TAOK1: variants seen among roughly 807,000 people sequenced by gnomAD.
The protein encoded by TAOK1 is serine/threonine-protein kinase TAO1.
In TAOK1, 21 loss-of-function variants were observed where a neutral mutation model predicts 138.3. The ratio of observed to expected loss-of-function variants is 0.15; its 90% CI spans 0.11 to 0.22. The LOEUF (loss-of-function observed/expected upper bound fraction) is 0.22. TAOK1 is among the 10% of genes least tolerant of loss of function. The pLI, the probability that TAOK1 is intolerant of heterozygous loss-of-function variation, is 1.00. For missense variants in TAOK1, 651 were observed against 1,227.7 expected (o/e 0.53, Z 7.02); for synonymous variants, 361 against 398.4 (o/e 0.91, Z 1.12).
In TAOK1 at chr17:29,498,419, T is replaced by C; in HGVS notation, c.1101T>C (p.Ser367=). The C allele has an allele frequency of 1.2e-6, 2 of 1,614,222 alleles. No homozygotes were observed. The highest frequency in any genetic ancestry group is 1.7e-6 in the Non-Finnish European group (2 of 1,180,028). ...TCAGTGCCAGCAGCCAAAGCAGTAG[T>C]GTTAACAGTCTTCCAGATGTCTCAG... ...MSISASSQSS[S]VNSLPDVSDD... The change falls in exon 12 of 20, where the codon AGT becomes AGC. Residue 367 remains serine, a synonymous_variant. Transcript: ENST00000261716.
chr17:29,532,517 G>A (rs1477319907), intron 18 of TAOK1, among the ~76,000 whole-genome samples: 1 of 151,980 alleles, frequency 6.6e-6, no homozygotes, highest in Admixed American at 6.6e-5. Flanking sequence ...TGTGTCCCTG[G>A]GTACTTGAGA....
chr17:29,543,049 C>G lies in TAOK1; in HGVS notation c.*27C>G. 6.7e-7 allele frequency: 1 copy of G among 1,496,382 alleles called. No homozygotes were observed. The highest frequency in any genetic ancestry group is 9.0e-7 in the Non-Finnish European group (1 of 1,112,866). The allele number at this position is 1,496,382 out of a possible 1,614,324, so 92.7% of individuals were successfully genotyped here. Reference sequence around the variant, plus strand: ...TTAATAATTGAGAGTGGCAATTCCGCTGGAGCTGTCTGCCAAAAGAAACTG... The same window carrying G: ...TTAATAATTGAGAGTGGCAATTCCGGTGGAGCTGTCTGCCAAAAGAAACTG... On this transcript the variant is annotated 3_prime_UTR_variant, in exon 20 of 20. Coordinates refer to ENST00000261716, the MANE Select transcript of TAOK1 (RefSeq NM_020791.4).
At chr17:29,482,415 A>G in intron 8 of TAOK1, 127 bp downstream of exon 8, 1 of 736,618 alleles carries the variant, frequency 1.4e-6, no homozygotes, top group Non-Finnish European at 2.2e-6. Flanking sequence ...CAATACATTT[A>G]TTAAGGTTTT....
intron 1 of TAOK1, among the ~76,000 whole-genome samples, chr17:29,411,854 G>A (rs1431735450): frequency 1.3e-5 from 2 of 151,856 alleles, no homozygotes; most frequent in African/African-American, 2.4e-5. Context: ...AGGCTCCCTC[G>A]TGTCCCTTCT....
chr17:29,537,323 A>G (rs533672229), intron 19 of TAOK1, among the ~76,000 whole-genome samples: 1 of 152,192 alleles, frequency 6.6e-6, no homozygotes, highest in East Asian at 1.9e-4. Context: ...TTGGAAAGCA[A>G]TTTGGAGTTG....
At chr17:29,402,290 A>T (rs916411096) in intron 1 of TAOK1, among the ~76,000 whole-genome samples, 3 of 152,140 alleles carry the variant, frequency 2.0e-5, no homozygotes, top group Admixed American at 6.6e-5. Flanking sequence ...GCAGAATTTT[A>T]AAAAAAGAAG....
chr17:29,531,953 C>T (rs111290642), intron 18 of TAOK1, among the ~76,000 whole-genome samples: 466 of 151,754 alleles, frequency 3.1e-3, no homozygotes, highest in Non-Finnish European at 4.2e-3. Flanking sequence ...CTCCGCCTCC[C>T]GGGTTCACGC....
At chr17:29,524,316 C>A (rs1355669869) in intron 17 of TAOK1, among the ~76,000 whole-genome samples, 1 of 152,118 alleles carries the variant, frequency 6.6e-6, no homozygotes, top group Non-Finnish European at 1.5e-5. Context: ...GATTTTAAAG[C>A]CAACAGCACC....
chr17:29,410,161 C>T (rs1183570021), intron 1 of TAOK1, among the ~76,000 whole-genome samples: 2 of 152,126 alleles, frequency 1.3e-5, no homozygotes, highest in Admixed American at 6.6e-5. Context: ...AATCTCTGGG[C>T]CTCAGTTCAT....
intron 1 of TAOK1, among the ~76,000 whole-genome samples, chr17:29,394,166 T>TTG (rs1904519197): frequency 1.6e-5 from 2 of 125,238 alleles, no homozygotes; most frequent in African/African-American, 6.1e-5. Flanking sequence ...TTTTTTTTTT[T>TTG]TTTTTTTTTT....
chr17:29,539,535 C>G (rs1365847384), intron 19 of TAOK1, among the ~76,000 whole-genome samples: 1 of 152,152 alleles, frequency 6.6e-6, no homozygotes, highest in Non-Finnish European at 1.5e-5. Flanking sequence ...CTCCCGGGTT[C>G]AAGCAATTCT....
At chr17:29,404,847 C>G (rs1904950060) in intron 1 of TAOK1, among the ~76,000 whole-genome samples, 2 of 152,122 alleles carry the variant, frequency 1.3e-5, no homozygotes, top group Admixed American at 1.3e-4. Context: ...TTAAAATACA[C>G]TACCATTCTG....
chr17:29,482,121 A>G, intron 7 of TAOK1, 76 bp from the exon 8 acceptor site: 1 of 1,058,792 alleles, frequency 9.4e-7, no homozygotes, highest in Non-Finnish European at 1.4e-6. Flanking sequence ...ATCTCCATGT[A>G]GATGACTGTT....
intron 1 of TAOK1, among the ~76,000 whole-genome samples, chr17:29,397,647 T>TTCATGTATGATACATGTATACATGTATTC (rs1384681685): frequency 6.5e-5 from 4 of 61,566 alleles, no homozygotes. Context: ...TACATGTATA[T>TTCATGTATGATACATGTATACATGTATTC]ATGTATATTC....
intron 16 of TAOK1, among the ~76,000 whole-genome samples, chr17:29,521,037 A>T (rs2031905811): frequency 6.6e-6 from 1 of 152,212 alleles, no homozygotes; most frequent in East Asian, 1.9e-4. Context: ...AAAAAAAAAA[A>T]ATCTTTTATG....
intron 19 of TAOK1, among the ~76,000 whole-genome samples, chr17:29,538,263 A>G (rs1027311235): frequency 6.6e-6 from 1 of 152,170 alleles, no homozygotes; most frequent in Admixed American, 6.5e-5. Flanking sequence ...ACTTGAAGTA[A>G]TGTTAGTAGT....
chr17:29,420,678 C>T (rs1274648870), intron 1 of TAOK1, among the ~76,000 whole-genome samples: 2 of 151,180 alleles, frequency 1.3e-5, no homozygotes, highest in Non-Finnish European at 2.9e-5. Context: ...CTCCGCCTCC[C>T]GGGTTCAAGT....
chr17:29,437,452 C>T (rs866126627), intron 1 of TAOK1, among the ~76,000 whole-genome samples: 1 of 152,066 alleles, frequency 6.6e-6, no homozygotes, highest in Admixed American at 6.6e-5. Context: ...CCTGCCTCAG[C>T]CTCTCAAAGT....
At chr17:29,414,316 C>T (rs1905216844) in intron 1 of TAOK1, among the ~76,000 whole-genome samples, 1 of 152,062 alleles carries the variant, frequency 6.6e-6, no homozygotes, top group African/African-American at 2.4e-5. Context: ...GTGGCATGAT[C>T]CCAGCTCACT....
Sources: gnomAD v4.1 joint callset for allele counts (sites outside exome capture counted in the v4.1 genomes callset) on GRCh38, gnomAD v4.1.1 for gene constraint, MANE v1.5 for transcripts, NCBI Gene and HGNC (gene_info 2026-07-23, HGNC 2026-07-21) for gene names.